Variants in PSMB1 observed in about 807,000 individuals in gnomAD.
PSMB1 encodes proteasome 20S subunit beta 1, also known as proteasome subunit beta type-1.
PSMB1 carries 7 observed loss-of-function variants against 25.4 expected under a neutral mutation model. That is an observed-to-expected ratio of 0.28 (90% CI 0.16 to 0.52). The LOEUF (loss-of-function observed/expected upper bound fraction) is 0.52, where lower values mean the gene tolerates loss of function less well. Among genes scored for constraint, PSMB1 ranks in the 20% least tolerant of loss-of-function variants. The pLI is 0.97. For missense variants in PSMB1, 284 were observed against 302.2 expected, an observed-to-expected ratio of 0.94 and a Z score of 0.45; for synonymous variants, 119 against 115.0, an observed-to-expected ratio of 1.03 and a Z score of -0.22.
At chr6:170,546,309 C>A (rs1778817935) in intron 2 of PSMB1, 125 bp from the exon 3 acceptor site, 2 of 732,862 alleles carry the variant, frequency 2.7e-6, no homozygotes, top group Non-Finnish European at 4.6e-6. Flanking sequence ...CAAACAGTCA[C>A]CCTTCTGGGG....
In PSMB1 at chr6:170,535,302, A is replaced by C; in HGVS notation, c.644T>G (p.Val215Gly). The part of the protein sequence containing the change: ...DVFISAAERD[V>G]YTGDALRICI... ...GATCCGGAGTGCGTCCCCAGTGTAC[A>C]CATCTCTCTCAGCCGCAGAAATGAA... is the stretch of plus-strand genomic sequence containing the variant. Residue 215 changes from valine (V) to glycine (G), a missense_variant, in exon 6 of 6, where the codon GTG becomes GGG. Val to Gly is a moderately radical substitution (Grantham distance 109). Coordinates refer to ENST00000262193, the MANE Select transcript of PSMB1 (RefSeq NM_002793.4). 1 of 1,614,130 alleles carries C rather than the reference A, an allele frequency of 6.2e-7. No individual in the cohort carries two copies. Among genetic ancestry groups the C allele is most frequent in the South Asian group, 1.1e-5 (1 of 91,080 alleles).
At chr6:170,549,235 A>G in intron 1 of PSMB1, 122 bp from the exon 2 acceptor site, 1 of 525,192 alleles carries the variant, frequency 1.9e-6, no homozygotes, top group Admixed American at 3.5e-5. Context: ...CATGATTCAA[A>G]TGGGAAGAGG....
chr6:170,543,067 A>T (rs1778775028), intron 4 of PSMB1, among the ~76,000 whole-genome samples: 2 of 152,204 alleles, frequency 1.3e-5, no homozygotes, highest in South Asian at 2.1e-4. Flanking sequence ...CATGTGGCGT[A>T]ATGCAGCTCT....
rs376700723 is a variant in PSMB1 at position 170,535,697 on chromosome 6, T to C, written c.541-292A>G. The stretch of plus-strand genomic sequence containing the variant: ...AGAATTGCTATAACTAAGAAGAAAA[T>C]AAGAGCCAGGAGAGCCCCAACAGAT... On this transcript the variant is annotated intron_variant, in intron 5 of 5. Coordinates refer to ENST00000262193, the MANE Select transcript of PSMB1 (RefSeq NM_002793.4). Among the ~76,000 whole-genome samples the C allele has an allele frequency of 1.8e-4, 28 of 151,960 alleles. No individual in the cohort carries two copies. In the South Asian group the frequency reaches 5.8e-3, roughly 32 times the overall value.
chr6:170,553,088 G>A (rs1182168315), intron 1 of PSMB1, 42 bp downstream of exon 1: 1 of 1,518,540 alleles, frequency 6.6e-7, no homozygotes, highest in South Asian at 1.2e-5. Flanking sequence ...AGCAGATGGG[G>A]GAAGGGCGAA....
At chr6:170,542,293 G>A (rs753141153) in intron 4 of PSMB1, among the ~76,000 whole-genome samples, 5 of 152,148 alleles carry the variant, frequency 3.3e-5, no homozygotes, top group Non-Finnish European at 7.3e-5. Context: ...AACAGAAAGC[G>A]ATAGGAGTCA....
rs764221888 is a variant in PSMB1 at position 170,537,230 on chromosome 6, T to C, written c.540+4A>G. The stretch of plus-strand genomic sequence containing the variant: ...GTATCATTACCTGGACACAGTATCA[T>C]TACCTGGTTGTCAAGCAGGGGCTGT... On this transcript the variant is annotated splice_donor_region_variant and intron_variant, in intron 5 of 5. Coordinates refer to ENST00000262193, the MANE Select transcript of PSMB1 (RefSeq NM_002793.4). The C allele has an allele frequency of 1.2e-6, 2 of 1,608,636 alleles. No homozygotes were observed. The highest frequency in any genetic ancestry group is 1.7e-6 in the Non-Finnish European group (2 of 1,175,186).
intron 4 of PSMB1, among the ~76,000 whole-genome samples, chr6:170,539,574 T>C (rs1260401971): frequency 6.6e-6 from 1 of 152,150 alleles, no homozygotes; most frequent in Non-Finnish European, 1.5e-5. Flanking sequence ...TAATAAACTG[T>C]TCAATAGGCA....
chr6:170,538,589 C>G lies in PSMB1; in HGVS notation c.434-1249G>C, dbSNP rs113171922. Among the ~76,000 whole-genome samples, 1,047 of 152,262 alleles carry G rather than the reference C, an allele frequency of 6.9e-3. 6 individuals are homozygous for G. Among genetic ancestry groups the G allele is most frequent in the Non-Finnish European group, 0.011 (756 of 68,006 alleles). On this transcript the variant is annotated intron_variant, in intron 4 of 5. Coordinates refer to ENST00000262193, the MANE Select transcript of PSMB1 (RefSeq NM_002793.4). ...TGGCACGTGCCTCTATTCCCAACTACTTGGGAGGCTGAGGCAGGAGAATCG... is the reference window on the plus strand; with the variant it reads ...TGGCACGTGCCTCTATTCCCAACTAGTTGGGAGGCTGAGGCAGGAGAATCG...
intron 2 of PSMB1, 130 bp from the exon 3 acceptor site, chr6:170,546,314 CTGGGGAGGAG>C: frequency 1.4e-6 from 1 of 708,216 alleles, no homozygotes. Context: ...AGTCACCCTT[CTGGGGAGGAG>C]GGGTCTGTAT....
At chr6:170,544,443 T>C (rs1778792226) in intron 3 of PSMB1, among the ~76,000 whole-genome samples, 1 of 150,404 alleles carries the variant, frequency 6.6e-6, no homozygotes, top group African/African-American at 2.5e-5. Flanking sequence ...AGCTTTACTA[T>C]ACCTTTGCGA....
At chr6:170,547,001 A>T (rs1778827242) in intron 2 of PSMB1, among the ~76,000 whole-genome samples, 1 of 152,220 alleles carries the variant, frequency 6.6e-6, no homozygotes, top group South Asian at 2.1e-4. Context: ...AGTCACAGAA[A>T]AAAGAGACAT....
At position 170,536,893 on chromosome 6, in the gene PSMB1, A is replaced by AG. The variant is rs199504168; in HGVS notation, c.540+340dup. 1.8e-3 allele frequency among the ~76,000 whole-genome samples: 275 copies of AG among 152,180 alleles called. 1 individual carries two copies. Among genetic ancestry groups the AG allele is most frequent in the African/African-American group, 5.9e-3 (246 of 41,510 alleles). The stretch of plus-strand genomic sequence containing the variant: ...AAGTACAGTATTGGGTAACACAGAA[A>AG]GGGGGGGTAAGAGGGAAAAAGGCAT... On this transcript the variant is annotated intron_variant, in intron 5 of 5. Coordinates refer to ENST00000262193, the MANE Select transcript of PSMB1 (RefSeq NM_002793.4).
rs1204615841 is a variant in PSMB1, at chr6:170,553,258, G to T, written c.-16C>A. On this transcript the variant is annotated 5_prime_UTR_variant, in exon 1 of 6. Transcript: ENST00000262193. ...AGGACAACATCGCACGGCTGCGCCTGCGGATCCGACACTTGCTGTCTCACG... is the reference window on the plus strand; with the variant it reads ...AGGACAACATCGCACGGCTGCGCCTTCGGATCCGACACTTGCTGTCTCACG... The T allele has an allele frequency of 6.3e-7, 1 of 1,583,554 alleles. No individual in the cohort carries two copies. The highest frequency in any genetic ancestry group is 2.3e-5 in the East Asian group (1 of 44,218).
At chr6:170,536,058 A>G (rs978238834) in intron 5 of PSMB1, among the ~76,000 whole-genome samples, 1 of 152,250 alleles carries the variant, frequency 6.6e-6, no homozygotes. Context: ...TTTAGCCAGC[A>G]GTAATCACAA....
intron 5 of PSMB1, 61 bp downstream of exon 5, chr6:170,537,173 C>G: frequency 7.4e-7 from 1 of 1,342,422 alleles, no homozygotes. Context: ...GAGGAAGGCA[C>G]TTCAACTGAA....
chr6:170,549,296 A>G (rs1778862126), intron 1 of PSMB1, 183 bp from the exon 2 acceptor site: 2 of 510,006 alleles, frequency 3.9e-6, no homozygotes, highest in Non-Finnish European at 6.9e-6. Context: ...GTCTGGGAAA[A>G]AAAAATTATT....
At chr6:170,552,938 A>G (rs2114984278) in intron 1 of PSMB1, among the ~76,000 whole-genome samples, 192 bp downstream of exon 1, 1 of 152,378 alleles carries the variant, frequency 6.6e-6, no homozygotes, top group South Asian at 2.1e-4. Context: ...ACTTGAGCAA[A>G]GCGAGCCTGA....
chr6:170,535,935 T>C (rs980183501), intron 5 of PSMB1, among the ~76,000 whole-genome samples: 27 of 151,680 alleles, frequency 1.8e-4, no homozygotes, highest in Admixed American at 6.6e-5. Context: ...AGCAGAGGAG[T>C]AGCTATATAT....
Sources: gnomAD v4.1 joint callset for allele counts (sites outside exome capture counted in the v4.1 genomes callset) on GRCh38, gnomAD v4.1.1 for gene constraint, MANE v1.5 for transcripts, NCBI Gene and HGNC (gene_info 2026-07-23, HGNC 2026-07-21) for gene names.